The following TBC1D20 variants were observed in gnomAD, a reference collection of about 807,000 sequenced individuals.
TBC1D20 encodes chromosome 20 open reading frame 140.
TBC1D20 carries 12 observed loss-of-function variants against 41.6 expected under a neutral mutation model. The observed-to-expected ratio is 0.29, with a 90% confidence interval of 0.18 to 0.47. TBC1D20 has a LOEUF of 0.47. Ranked by LOEUF, TBC1D20 falls within the 20% of genes least tolerant of loss-of-function variation. The probability of loss-of-function intolerance (pLI) is 1.00; values close to 1 mark genes in which losing one functional copy is unlikely to be tolerated. For missense variants in TBC1D20, 421 were observed against 517.4 expected (o/e 0.81, Z 1.81); for synonymous variants, 205 against 204.8 (o/e 1.00, Z -0.01).
chr20:440,278 G>A lies in TBC1D20; in HGVS notation c.738C>T (p.His246=), dbSNP rs756736000. The A allele has an allele frequency of 4.3e-6, 7 of 1,613,882 alleles. No homozygotes were observed. The Admixed American group carries it at 1.0e-4, about 23-fold the overall frequency. ...CTGCAAAGTAAATCGGCATCAGTGG[G>A]TGGCAGGCCAGGAAGAAGTCATATA... The part of the protein sequence containing the change: ...VRLYDFFLAC[H]PLMPIYFAAV... The change falls in exon 6 of 8, where the codon CAC becomes CAT. Residue 246 remains histidine (H), a synonymous_variant. Transcript: ENST00000354200.
At chr20:460,980 CG>C (rs2017619652) in intron 1 of TBC1D20, among the ~76,000 whole-genome samples, 1 of 152,084 alleles carries the variant, frequency 6.6e-6, no homozygotes, top group African/African-American at 2.4e-5. Context: ...TAAAGGGTTA[CG>C]GTGCCAAAGG....
At chr20:453,712 A>C (rs1211159863) in intron 1 of TBC1D20, among the ~76,000 whole-genome samples, 1 of 136,980 alleles carries the variant, frequency 7.3e-6, no homozygotes, top group African/African-American at 2.8e-5. Flanking sequence ...TGCCTGGCTA[A>C]TTTTTTTTTT....
chr20:442,655 C>T (rs1385120424), intron 3 of TBC1D20, among the ~76,000 whole-genome samples: 1 of 152,144 alleles, frequency 6.6e-6, no homozygotes, highest in Non-Finnish European at 1.5e-5. Flanking sequence ...GCTCAGTGTA[C>T]TGTGATTACA....
At chr20:455,051 A>T (rs776275450) in intron 1 of TBC1D20, among the ~76,000 whole-genome samples, 1 of 152,194 alleles carries the variant, frequency 6.6e-6, no homozygotes, top group Admixed American at 6.6e-5. Flanking sequence ...AAACCCACAT[A>T]AACAGAGGCA....
At chr20:448,841 CTTT>C (rs1157490937) in intron 1 of TBC1D20, among the ~76,000 whole-genome samples, 2 of 127,186 alleles carry the variant, frequency 1.6e-5, no homozygotes. Flanking sequence ...ATTACACGTA[CTTT>C]TTTTTTTTTT....
Position 439,839 on chromosome 20 carries a change from C to T in TBC1D20, c.768+409G>A, listed in dbSNP as rs765431156. 6.6e-6 allele frequency among the ~76,000 whole-genome samples: 1 copy of T among 152,196 alleles called. No individual in the cohort carries two copies. Among genetic ancestry groups the T allele is most frequent in the African/African-American group, 2.4e-5 (1 of 41,446 alleles). Reference sequence around the variant, plus strand: ...ACTAACTGAAGCCCCTACCCTCCACCGCAAGCCGCCTCCCTTGTCTGTCAT... The same window carrying T: ...ACTAACTGAAGCCCCTACCCTCCACTGCAAGCCGCCTCCCTTGTCTGTCAT... On this transcript the variant is annotated intron_variant, in intron 6 of 7. Coordinates refer to ENST00000354200, the MANE Select transcript of TBC1D20 (RefSeq NM_144628.4). This position sits in a 1 kb window ranked among gnomAD's most constrained non-coding sequence, Gnocchi z 4.6.
chr20:459,825 C>T (rs2017599519), intron 1 of TBC1D20, among the ~76,000 whole-genome samples: 1 of 152,052 alleles, frequency 6.6e-6, no homozygotes, highest in South Asian at 2.1e-4. Context: ...CTTAATGGTT[C>T]AGATAAAGAT....
chr20:447,734 C>G (rs992798057), intron 2 of TBC1D20, among the ~76,000 whole-genome samples, 155 bp downstream of exon 2: 8 of 152,092 alleles, frequency 5.3e-5, no homozygotes, highest in African/African-American at 1.9e-4. Flanking sequence ...TCGGTTTGGC[C>G]TTATTTTCAG....
intron 3 of TBC1D20, among the ~76,000 whole-genome samples, chr20:443,896 C>A (rs936695420): frequency 1.3e-5 from 2 of 151,922 alleles, no homozygotes; most frequent in African/African-American, 4.8e-5. Flanking sequence ...GGCTGAGGTA[C>A]GTGCATCACC....
intron 3 of TBC1D20, among the ~76,000 whole-genome samples, chr20:442,416 A>G (rs2017252699): frequency 6.6e-6 from 1 of 152,200 alleles, no homozygotes; most frequent in Non-Finnish European, 1.5e-5. Context: ...CCTCAATCTC[A>G]CAATGAAGAA....
intron 2 of TBC1D20, among the ~76,000 whole-genome samples, chr20:446,542 T>C (rs532847602): frequency 3.2e-4 from 48 of 152,224 alleles, no homozygotes; most frequent in African/African-American, 1.1e-3. Context: ...GGTTTCACCA[T>C]GTTGGCCGGG....
chr20:439,255 C>T lies in TBC1D20; in HGVS notation c.809G>A (p.Cys270Tyr), dbSNP rs1432036309. 2 of 1,613,754 alleles carry T rather than the reference C, an allele frequency of 1.2e-6. No homozygotes were observed. Among genetic ancestry groups the T allele is most frequent in the East Asian group, 2.2e-5 (1 of 44,908 alleles). The change falls in exon 7 of 8, where the codon TGT (cysteine) becomes TAT (tyrosine). Residue 270 changes from cysteine (C) to tyrosine (Y), a missense_variant. Around this residue, in one of 3 missense-constraint regions of TBC1D20, gnomAD observed 161 missense variants for 182.7 expected, o/e 0.88. Transcript: ENST00000354200. This position sits in a 1 kb window ranked among gnomAD's most constrained non-coding sequence, Gnocchi z 4.6. ...CAGGTGGTGGACCGAGGCCATGTCA[C>T]AGTCACAGTCCAGGACTTCCTGCTC... ...YREQEVLDCDCDMASVHHLLS... is the reference protein window; with the variant it reads ...YREQEVLDCDYDMASVHHLLS...
At chr20:449,286 A>T (rs371248476) in intron 1 of TBC1D20, among the ~76,000 whole-genome samples, 2 of 44,106 alleles carry the variant, frequency 4.5e-5, no homozygotes, top group East Asian at 3.5e-4. Context: ...CCAATACATT[A>T]AAAAAAAAAA....
intron 2 of TBC1D20, among the ~76,000 whole-genome samples, chr20:447,395 T>C (rs6116018): frequency 0.48 from 72,390 of 151,660 alleles, 17,652 homozygotes; most frequent in African/African-American, 0.57. Flanking sequence ...TGGTAGCTCA[T>C]GCCTGTAATC....
chr20:451,829 A>T (rs1286614615), intron 1 of TBC1D20, among the ~76,000 whole-genome samples: 2 of 152,132 alleles, frequency 1.3e-5, no homozygotes, highest in African/African-American at 4.8e-5. Context: ...AGTTTAAATA[A>T]ATCAATAAAC....
chr20:453,762 G>A (rs1360189477), intron 1 of TBC1D20, among the ~76,000 whole-genome samples: 4 of 144,688 alleles, frequency 2.8e-5, no homozygotes, highest in African/African-American at 1.1e-4. Context: ...ATGTTGGTCA[G>A]GCTAGTCTCA....
chr20:444,944 C>A, intron 3 of TBC1D20, 106 bp downstream of exon 3: 1 of 955,630 alleles, frequency 1.0e-6, no homozygotes, highest in Non-Finnish European at 1.6e-6. Flanking sequence ...AAAAGGAGAG[C>A]TCTGAAGGTC....
chr20:439,099 C>T lies in TBC1D20; in HGVS notation c.956+9G>A, dbSNP rs2017175589. Reference sequence around the variant, plus strand: ...ACCCCCATTCAACCAGTGTCCCAGCCTTGCTCACCTCTCAGCTTGCTGTTG... The same window carrying T: ...ACCCCCATTCAACCAGTGTCCCAGCTTTGCTCACCTCTCAGCTTGCTGTTG... On this transcript the variant is annotated intron_variant, in intron 7 of 7. Transcript: ENST00000354200. The surrounding 1 kb of genome is among the most constrained non-coding windows in gnomAD (Gnocchi z 4.6). 10 of 1,606,388 alleles carry T rather than the reference C, an allele frequency of 6.2e-6. No homozygotes were observed. The highest frequency in any genetic ancestry group is 8.5e-6 in the Non-Finnish European group (10 of 1,176,106).
At chr20:454,696 G>C (rs1051455754) in intron 1 of TBC1D20, among the ~76,000 whole-genome samples, 1 of 151,334 alleles carries the variant, frequency 6.6e-6, no homozygotes, top group Non-Finnish European at 1.5e-5. Context: ...TTTTGAGACA[G>C]AGTCTTGCTT....
Sources: allele counts gnomAD v4.1 joint callset (sites outside exome capture counted in the v4.1 genomes callset), GRCh38; gene constraint gnomAD v4.1.1; regional missense constraint gnomAD v4.1.1; non-coding constraint Gnocchi (gnomAD v3.1); transcripts MANE v1.5; gene names NCBI Gene and HGNC (gene_info 2026-07-23, HGNC 2026-07-21).